Variants in PTPRG observed in about 807,000 individuals in gnomAD.
The protein encoded by PTPRG is receptor-type tyrosine-protein phosphatase gamma.
In PTPRG, 102 loss-of-function variants were observed where a neutral mutation model predicts 165.3. The ratio of observed to expected loss-of-function variants is 0.62; its 90% CI spans 0.53 to 0.73. The LOEUF is 0.73. Among genes scored for constraint, PTPRG ranks in the 30% least tolerant of loss-of-function variants. The probability of loss-of-function intolerance (pLI) is 0.00; values close to 1 mark genes in which losing one functional copy is unlikely to be tolerated. For synonymous variants in PTPRG, 675 were observed against 669.5 expected (o/e 1.01, Z -0.13); for missense variants, 1,866 against 1,861.4 (o/e 1.00, Z -0.05).
intron 4 of PTPRG, among the ~76,000 whole-genome samples, chr3:62,040,132 C>T (rs1700078107): frequency 6.6e-6 from 1 of 152,112 alleles, no homozygotes; most frequent in African/African-American, 2.4e-5. Flanking sequence ...ATGAGCGTTG[C>T]CTCTAAATTT....
chr3:62,273,656 C>T lies in PTPRG; in HGVS notation c.3319-42C>T. 3.1e-6 allele frequency: 5 copies of T among 1,602,030 alleles called. No individual in the cohort carries two copies. The highest frequency in any genetic ancestry group is 3.4e-6 in the Non-Finnish European group (4 of 1,169,914). On this transcript the variant is annotated intron_variant, in intron 22 of 29. Transcript: ENST00000474889. The surrounding 1 kb of genome is among the most constrained non-coding windows in gnomAD (Gnocchi z 4.1). ...ACACTTCATGAATGAGTGGCTAACCCTTAACACTCCCTCAGTGACTACCAT... is the reference window on the plus strand; with the variant it reads ...ACACTTCATGAATGAGTGGCTAACCTTTAACACTCCCTCAGTGACTACCAT...
intron 1 of PTPRG, among the ~76,000 whole-genome samples, chr3:61,564,531 G>A (rs1699858748): frequency 6.6e-6 from 1 of 152,180 alleles, no homozygotes; most frequent in African/African-American, 2.4e-5. Flanking sequence ...TTCCTGGTCC[G>A]GGAGCCGAGG....
chr3:61,919,744 T>A (rs2039032455), intron 2 of PTPRG, among the ~76,000 whole-genome samples: 1 of 152,192 alleles, frequency 6.6e-6, no homozygotes, highest in African/African-American at 2.4e-5. Flanking sequence ...TGGACCTGCT[T>A]ATCTACTGTT....
chr3:62,046,819 G>A (rs1700307450), intron 4 of PTPRG, among the ~76,000 whole-genome samples: 1 of 152,152 alleles, frequency 6.6e-6, no homozygotes, highest in South Asian at 2.1e-4. Context: ...CTGTTGTTAT[G>A]TGGAAAGATG....
rs199791901 is a variant in PTPRG, at chr3:61,840,786, T to G, written c.190+91804T>G. On this transcript the variant is annotated intron_variant, in intron 2 of 29. Coordinates refer to ENST00000474889, the MANE Select transcript of PTPRG (RefSeq NM_002841.4). ...TGGAGTTTTTTTTGTTTGTTTGTTT[T>G]TTTTTTTTTTTTTTTGAGATGAGGT... Among the ~76,000 whole-genome samples, 813 of 87,362 alleles carry G rather than the reference T, an allele frequency of 9.3e-3. 5 individuals are homozygous for G. Among genetic ancestry groups the G allele is most frequent in the African/African-American group, 0.029 (473 of 16,080 alleles). 57.3% of individuals were successfully genotyped at this position (87,362 alleles called of 152,430 possible).
At chr3:61,910,301 A>AT (rs550733110) in intron 2 of PTPRG, among the ~76,000 whole-genome samples, 152 of 152,306 alleles carry the variant, frequency 1.0e-3, no homozygotes, top group African/African-American at 3.4e-3. Context: ...TGTCACCAAA[A>AT]TGTGCTCCAT....
In PTPRG at chr3:61,974,018, G is replaced by A. The variant is rs188579449; in HGVS notation, c.191-15607G>A. 2.4e-3 allele frequency among the ~76,000 whole-genome samples: 370 copies of A among 152,062 alleles called. 2 individuals are homozygous for A. The highest frequency in any genetic ancestry group is 8.4e-3 in the African/African-American group (347 of 41,454). On this transcript the variant is annotated intron_variant, in intron 2 of 29. Coordinates refer to ENST00000474889, the MANE Select transcript of PTPRG (RefSeq NM_002841.4). ...ATTAGTGATATTTAAACAGGTAGTT[G>A]AAGAACTGTGGAACCAACACCACAG...
chr3:61,835,918 T>C (rs781094284), intron 2 of PTPRG, among the ~76,000 whole-genome samples: 3 of 151,708 alleles, frequency 2.0e-5, no homozygotes, highest in Non-Finnish European at 4.4e-5. Context: ...CACATGCCTG[T>C]AATTCCAGCT....
chr3:61,615,832 G>C (rs757010776), intron 1 of PTPRG, among the ~76,000 whole-genome samples: 1 of 152,158 alleles, frequency 6.6e-6, no homozygotes, highest in Non-Finnish European at 1.5e-5. Flanking sequence ...TTACTGTCTA[G>C]AACAAGAAGT....
intron 26 of PTPRG, among the ~76,000 whole-genome samples, chr3:62,280,228 G>T (rs1403609640): frequency 2.6e-5 from 4 of 151,814 alleles, no homozygotes; most frequent in Admixed American, 6.6e-5. Context: ...TTCCAAAAAA[G>T]TTCTATCCCT....
At chr3:61,698,065 G>A (rs2030714067) in intron 1 of PTPRG, among the ~76,000 whole-genome samples, 1 of 152,090 alleles carries the variant, frequency 6.6e-6, no homozygotes, top group Non-Finnish European at 1.5e-5. Context: ...AAATACATAA[G>A]GTTACCTATT....
At chr3:61,755,322 C>G (rs1274205861) in intron 2 of PTPRG, among the ~76,000 whole-genome samples, 6 of 152,150 alleles carry the variant, frequency 3.9e-5, no homozygotes, top group African/African-American at 1.4e-4. Context: ...TAGAGACCTT[C>G]TGATCGGAAG....
chr3:61,859,259 T>A (rs1260879399), intron 2 of PTPRG, among the ~76,000 whole-genome samples: 1 of 152,190 alleles, frequency 6.6e-6, no homozygotes, highest in Non-Finnish European at 1.5e-5. Flanking sequence ...TATTATATGT[T>A]AGATATGAAA....
At chr3:61,873,452 A>G (rs2037639448) in intron 2 of PTPRG, among the ~76,000 whole-genome samples, 1 of 152,224 alleles carries the variant, frequency 6.6e-6, no homozygotes, top group Non-Finnish European at 1.5e-5. Flanking sequence ...ATATAGACAT[A>G]GCAAAATACG....
intron 8 of PTPRG, among the ~76,000 whole-genome samples, chr3:62,189,035 C>G (rs1247189520): frequency 2.0e-5 from 3 of 152,046 alleles, no homozygotes; most frequent in Non-Finnish European, 4.4e-5. Context: ...CACCTAGTGC[C>G]CACGTTCTGT....
chr3:62,222,661 G>C lies in PTPRG; in HGVS notation c.2288+3678G>C, dbSNP rs1274701852. Among the ~76,000 whole-genome samples, 2 of 152,144 alleles carry C rather than the reference G, an allele frequency of 1.3e-5. No individual in the cohort carries two copies. The highest frequency in any genetic ancestry group is 2.9e-5 in the Non-Finnish European group (2 of 68,026). The stretch of plus-strand genomic sequence containing the variant: ...CCGAACAAGGGATGGCTTTCCAAAG[G>C]ACCATCAAGACCTAAAAAAGTGAGT... On this transcript the variant is annotated intron_variant, in intron 13 of 29. Transcript: ENST00000474889. The surrounding 1 kb of genome is among the most constrained non-coding windows in gnomAD (Gnocchi z 4.5).
chr3:61,627,505 G>T (rs1307574923), intron 1 of PTPRG, among the ~76,000 whole-genome samples: 3 of 152,142 alleles, frequency 2.0e-5, no homozygotes, highest in Non-Finnish European at 1.5e-5. Flanking sequence ...AGTATTTGTG[G>T]GGTAATGAAT....
chr3:61,663,706 A>T (rs1007322225), intron 1 of PTPRG, among the ~76,000 whole-genome samples: 8 of 152,218 alleles, frequency 5.3e-5, no homozygotes, highest in Admixed American at 1.3e-4. Flanking sequence ...CTTTCCTGCA[A>T]CTAAGCAGTC....
At chr3:61,840,413 A>G (rs1049543935) in intron 2 of PTPRG, among the ~76,000 whole-genome samples, 1 of 152,122 alleles carries the variant, frequency 6.6e-6, no homozygotes, top group African/African-American at 2.4e-5. Context: ...TTGAATTATG[A>G]TTTGGGCAAA....
Sources: gnomAD v4.1 joint callset for allele counts (sites outside exome capture counted in the v4.1 genomes callset) on GRCh38, gnomAD v4.1.1 for gene constraint, Gnocchi (gnomAD v3.1) non-coding constraint, MANE v1.5 for transcripts, NCBI Gene and HGNC (gene_info 2026-07-23, HGNC 2026-07-21) for gene names.